UGT3A1: variants seen among roughly 807,000 people sequenced by gnomAD.
UGT3A1 encodes the protein UDP glycosyltransferase family 3 member A1.
In UGT3A1, 40 loss-of-function variants were observed where a neutral mutation model predicts 37.6. The observed-to-expected ratio is 1.06, with a 90% CI of 0.83 to 1.38. The LOEUF (loss-of-function observed/expected upper bound fraction) is 1.38. Among genes scored for constraint, UGT3A1 ranks in the 40% most tolerant of loss-of-function variants. UGT3A1 has a pLI of 0.00. For missense variants in UGT3A1, 642 were observed against 634.2 expected (o/e 1.01, Z -0.13); for synonymous variants, 256 against 232.3 (o/e 1.10, Z -0.93).
intron 6 of UGT3A1, 91 bp from the exon 7 acceptor site, chr5:35,954,569 AAC>A: frequency 6.8e-7 from 1 of 1,476,112 alleles, no homozygotes; most frequent in African/African-American, 1.4e-5. Flanking sequence ...CAAGCATACA[AAC>A]ACTTTTCTAA....
At chr5:35,995,881 A>G (rs554484039), upstream of UGT3A1, among the ~76,000 whole-genome samples, 1 of 152,300 alleles carries the variant, frequency 6.6e-6, no homozygotes, top group Admixed American at 6.5e-5. Flanking sequence ...AACAATAAAA[A>G]ATAATACATT....
At chr5:35,964,611 G>A (rs1279426569) in intron 4 of UGT3A1, among the ~76,000 whole-genome samples, 2 of 152,114 alleles carry the variant, frequency 1.3e-5, no homozygotes, top group Non-Finnish European at 2.9e-5. Flanking sequence ...TGGTGGGAAG[G>A]TCACCTACAT....
At chr5:35,996,116 A>C (rs1741090167), upstream of UGT3A1, among the ~76,000 whole-genome samples, 1 of 152,050 alleles carries the variant, frequency 6.6e-6, no homozygotes, top group African/African-American at 2.4e-5. Context: ...CCCCAGAAAG[A>C]CTTTAAGCTC....
intron 2 of UGT3A1, among the ~76,000 whole-genome samples, chr5:35,976,621 C>T (rs555150711): frequency 3.0e-4 from 45 of 152,178 alleles, no homozygotes; most frequent in African/African-American, 1.0e-3. Flanking sequence ...GGGAGGATCA[C>T]CTTAGGCCAG....
chr5:35,963,221 C>T (rs953537494), intron 4 of UGT3A1, among the ~76,000 whole-genome samples: 2 of 152,186 alleles, frequency 1.3e-5, no homozygotes, highest in East Asian at 3.9e-4. Flanking sequence ...TCATTTATGC[C>T]TGGAGCATGG....
intron 2 of UGT3A1, among the ~76,000 whole-genome samples, chr5:35,969,904 A>G (rs1311519653): frequency 1.3e-5 from 2 of 152,170 alleles, no homozygotes; most frequent in African/African-American, 4.8e-5. Context: ...GTCTGTTTTC[A>G]TGCTGCTGAT....
rs867267491 is a variant in UGT3A1, at chr5:35,988,538, G to A, written c.108C>T (p.Tyr36=). ...TCTGAGACACCCGGTCCAACAGTAG[G>A]TAATGGCTTCCACCTAGAAACAATG... ...LTISTLGGSH[Y]LLLDRVSQIL... is the part of the protein sequence containing the mutation. Residue 36 remains tyrosine (Y), a synonymous_variant, in exon 2 of 7, where the codon TAC becomes TAT. Coordinates refer to ENST00000274278, the MANE Select transcript of UGT3A1 (RefSeq NM_152404.4). 1 of 1,612,536 alleles carries A rather than the reference G, an allele frequency of 6.2e-7. No homozygotes were observed. Among genetic ancestry groups the A allele is most frequent in the Middle Eastern group, 1.7e-4 (1 of 6,048 alleles).
At chr5:35,981,558 A>T (rs890194996) in intron 2 of UGT3A1, among the ~76,000 whole-genome samples, 1 of 152,256 alleles carries the variant, frequency 6.6e-6, no homozygotes, top group Non-Finnish European at 1.5e-5. Flanking sequence ...ATCTGGCTGA[A>T]GAAATTTCTA....
At chr5:35,962,744 C>T (rs1739638588) in intron 4 of UGT3A1, 1 of 608,616 alleles carries the variant, frequency 1.6e-6, no homozygotes, top group East Asian at 2.8e-5. Context: ...CAAGCCAGTC[C>T]TTCATAATTT....
At chr5:35,958,292 T>A (rs1025106241) in intron 4 of UGT3A1, among the ~76,000 whole-genome samples, 11 of 152,240 alleles carry the variant, frequency 7.2e-5, no homozygotes, top group African/African-American at 2.7e-4. Context: ...TATGATCTAA[T>A]GCCCTAAAAC....
chr5:35,956,008 G>A (rs754376736), intron 5 of UGT3A1, 144 bp from the exon 6 acceptor site: 3 of 815,176 alleles, frequency 3.7e-6, no homozygotes, highest in East Asian at 2.7e-5. Context: ...GGACACACAA[G>A]TGTGAACATT....
rs115297819 is a variant in UGT3A1, at chr5:35,974,723, T to C, written c.197-6590A>G. ...GATATGCAACTATTGATCTGGCAAA[T>C]TTTTCTTGACACCCGTTAGTCAAGT... On this transcript the variant is annotated intron_variant, in intron 2 of 6. Coordinates refer to ENST00000274278, the MANE Select transcript of UGT3A1 (RefSeq NM_152404.4). Among the ~76,000 whole-genome samples the C allele has an allele frequency of 5.9e-3, 896 of 152,306 alleles. 10 individuals are homozygous for C. The highest frequency in any genetic ancestry group is 0.021 in the African/African-American group (878 of 41,562).
chr5:35,980,214 A>G (rs914869148), intron 2 of UGT3A1, among the ~76,000 whole-genome samples: 2 of 152,244 alleles, frequency 1.3e-5, no homozygotes, highest in African/African-American at 4.8e-5. Context: ...TGAGGAAGTA[A>G]TAGAGCAGAT....
At chr5:35,959,891 G>T (rs1739509402) in intron 4 of UGT3A1, among the ~76,000 whole-genome samples, 1 of 152,116 alleles carries the variant, frequency 6.6e-6, no homozygotes, top group Non-Finnish European at 1.5e-5. Flanking sequence ...AAAGTCAGCT[G>T]CATTTCCATA....
chr5:35,994,393 C>A (rs1741046053), upstream of UGT3A1, among the ~76,000 whole-genome samples: 1 of 145,962 alleles, frequency 6.9e-6, no homozygotes, highest in Non-Finnish European at 1.5e-5. Flanking sequence ...TTTCCCCTAT[C>A]AGGTTTGACC....
intron 5 of UGT3A1, among the ~76,000 whole-genome samples, chr5:35,956,248 GC>G (rs1739352741): frequency 6.6e-6 from 1 of 152,212 alleles, no homozygotes; most frequent in Non-Finnish European, 1.5e-5. Context: ...TTTGAAGAAT[GC>G]TGTGAAAGCA....
chr5:35,961,261 C>T (rs1355615441), intron 4 of UGT3A1: 3 of 152,178 alleles, frequency 2.0e-5, no homozygotes, highest in East Asian at 1.9e-4. Context: ...TGACAGGTGG[C>T]ACTATTTTGG....
intron 2 of UGT3A1, among the ~76,000 whole-genome samples, chr5:35,975,643 C>A (rs1280082923): frequency 6.6e-6 from 1 of 151,734 alleles, no homozygotes; most frequent in Non-Finnish European, 1.5e-5. Context: ...AAGTGGCTGA[C>A]TTAATGAAAC....
chr5:35,997,375 A>G (rs1323260029), intron 1 of UGT3A1: 2 of 152,180 alleles, frequency 1.3e-5, no homozygotes, highest in African/African-American at 4.8e-5. Context: ...CCCCAAGAGT[A>G]TACAGAAAGT....
Sources: gnomAD v4.1 joint callset for allele counts (sites outside exome capture counted in the v4.1 genomes callset) on GRCh38, gnomAD v4.1.1 for gene constraint, MANE v1.5 for transcripts, NCBI Gene and HGNC (gene_info 2026-07-23, HGNC 2026-07-21) for gene names.